Variants in FLNC observed in about 807,000 individuals in gnomAD.
FLNC encodes filamin-C.
In FLNC, 91 loss-of-function variants were observed where a neutral mutation model predicts 254.3. The observed-to-expected ratio is 0.36, with a 90% confidence interval of 0.30 to 0.43. The LOEUF (loss-of-function observed/expected upper bound fraction) is 0.43. Ranked by LOEUF, FLNC falls within the 20% of genes least tolerant of loss-of-function variation. FLNC has a pLI of 1.00. For synonymous variants in FLNC, 1,430 were observed against 1,577.2 expected (o/e 0.91, Z 2.21); for missense variants, 2,853 against 3,802.6 (o/e 0.75, Z 6.57).
Position 128,847,878 on chromosome 7 carries a change from G to T in FLNC, c.4456+14G>T. On this transcript the variant is annotated intron_variant, in intron 25 of 47. Coordinates refer to ENST00000325888, the MANE Select transcript of FLNC (RefSeq NM_001458.5). The stretch of plus-strand genomic sequence containing the variant: ...TGGGCCCCACAGGTATAGAATGGCC[G>T]GGGCAGGGAGGAGGGAGGTGGGGCG... 6.2e-7 allele frequency: 1 copy of T among 1,613,860 alleles called. No homozygotes were observed. Among genetic ancestry groups the T allele is most frequent in the East Asian group, 2.2e-5 (1 of 44,886 alleles).
chr7:128,847,890 AGGGAGGT>A (rs1808628127), intron 25 of FLNC, 26 bp downstream of exon 25: 1 of 1,601,128 alleles, frequency 6.2e-7, no homozygotes, highest in Non-Finnish European at 8.5e-7. Flanking sequence ...GGCAGGGAGG[AGGGAGGT>A]GGGGCGGGAC....
rs1808615802 is a variant in FLNC at position 128,847,645 on chromosome 7, A to G, written c.4289-52A>G. 3 of 1,609,004 alleles carry G rather than the reference A, an allele frequency of 1.9e-6. No individual in the cohort carries two copies. The African/African-American group carries it at 4.0e-5, about 22-fold the overall frequency. On this transcript the variant is annotated intron_variant, in intron 24 of 47. Transcript: ENST00000325888. ...TCCTCCTCCGAGGCTCCTCAGCATC[A>G]GGGGGACCCATCAGGGCTGGTGGGC...
chr7:128,846,556 C>G lies in FLNC; in HGVS notation c.4127+93C>G. The stretch of plus-strand genomic sequence containing the variant: ...TCCCTCTGCCTGGGCCTCAGCCCCA[C>G]CCCATCCTCTCTCAGGGGTGAGGCA... On this transcript the variant is annotated intron_variant, in intron 23 of 47. Coordinates refer to ENST00000325888, the MANE Select transcript of FLNC (RefSeq NM_001458.5). The G allele has an allele frequency of 4.6e-6, 7 of 1,509,924 alleles. No individual in the cohort carries two copies. In the Admixed American group the frequency reaches 1.2e-4, roughly 25 times the overall value. 93.5% of individuals were successfully genotyped at this position (1,509,924 alleles called of 1,614,324 possible).
In FLNC at chr7:128,847,813, T is replaced by C; in HGVS notation, c.4405T>C (p.Cys1469Arg). 1.2e-6 allele frequency: 2 copies of C among 1,613,710 alleles called. No homozygotes were observed. The highest frequency in any genetic ancestry group is 1.7e-6 in the Non-Finnish European group (2 of 1,179,754). The change falls in exon 25 of 48, where the codon TGC becomes CGC. Residue 1469 changes from cysteine (C) to arginine (R), a missense_variant. Coordinates refer to ENST00000325888, the MANE Select transcript of FLNC (RefSeq NM_001458.5). ...ARVPQTFTVDCSQAGRAPLQV... is the reference protein window; with the variant it reads ...ARVPQTFTVDRSQAGRAPLQV... ...GGTTCCTCAGACCTTCACAGTGGAT[T>C]GCAGTCAAGCTGGCCGGGCGCCCCT...
rs574084326 is a variant in FLNC, at chr7:128,845,361, G to A, written c.3790+106G>A. ...CTGAGAGCTGGAAGAGCAACCTGGG[G>A]TGAAGGGAGGGCTCTCGGAGCAGCC... On this transcript the variant is annotated intron_variant, in intron 21 of 47. Coordinates refer to ENST00000325888, the MANE Select transcript of FLNC (RefSeq NM_001458.5). 6.3e-5 allele frequency: 57 copies of A among 907,562 alleles called. 1 individual carries two copies. Among genetic ancestry groups the A allele is most frequent in the South Asian group, 9.8e-5 (7 of 71,282 alleles). The allele number at this position is 907,562 out of a possible 1,614,324, so 56.2% of individuals were successfully genotyped here.
Position 128,840,176 on chromosome 7 carries a change from C to T in FLNC, c.1549+16C>T. 2 of 1,613,298 alleles carry T rather than the reference C, an allele frequency of 1.2e-6. No homozygotes were observed. Among genetic ancestry groups the T allele is most frequent in the Non-Finnish European group, 1.7e-6 (2 of 1,179,980 alleles). ...AAGGGGCCAAGTGAGTGCCAGAGCCCAGGGTCGTGAGGGTGGGGCTGGGGG... is the reference window on the plus strand; with the variant it reads ...AAGGGGCCAAGTGAGTGCCAGAGCCTAGGGTCGTGAGGGTGGGGCTGGGGG... On this transcript the variant is annotated intron_variant, in intron 9 of 47. Transcript: ENST00000325888.
rs1286087046 is a variant in FLNC at position 128,842,575 on chromosome 7, G to A, written c.2266G>A (p.Val756Met). Residue 756 changes from valine to methionine, a missense_variant and splice_region_variant, in exon 15 of 48, where the codon GTG (valine) becomes ATG (methionine). Coordinates refer to ENST00000325888, the MANE Select transcript of FLNC (RefSeq NM_001458.5). This position sits in a 1 kb window ranked among gnomAD's most constrained non-coding sequence, Gnocchi z 5.4. ...CGCTGAGCTGCGACCCCTCCCGCAGGTGAACGTGGGCGAGGGCAGCCACCC... is the reference window on the plus strand; with the variant it reads ...CGCTGAGCTGCGACCCCTCCCGCAGATGAACGTGGGCGAGGGCAGCCACCC... ...GVNVPKSPFRVNVGEGSHPER... is the reference protein window; with the variant it reads ...GVNVPKSPFRMNVGEGSHPER... 2.6e-6 allele frequency: 4 copies of A among 1,549,258 alleles called. No individual in the cohort carries two copies. In the South Asian group the frequency reaches 4.8e-5, roughly 18 times the overall value.
At position 128,839,224 on chromosome 7, in the gene FLNC, C is replaced by T. The variant is rs115502557; in HGVS notation, c.1411+421C>T. Among the ~76,000 whole-genome samples the T allele has an allele frequency of 8.6e-3, 1,315 of 152,322 alleles. 27 individuals are homozygous for T. The highest frequency in any genetic ancestry group is 0.057 in the South Asian group (275 of 4,830). On this transcript the variant is annotated intron_variant, in intron 8 of 47. Transcript: ENST00000325888. ...CTCACCTGTGCTGTGTGGCATGGCC[C>T]GGGCCGTGTGGAATCGCCCCCCCTT...
chr7:128,838,883 G>A (rs1044214262), intron 8 of FLNC, 80 bp downstream of exon 8: 96 of 1,394,962 alleles, frequency 6.9e-5, no homozygotes, highest in South Asian at 1.3e-4. Flanking sequence ...GAGCTGGGGC[G>A]GGGGTCTGCA....
rs1342795029 is a variant in FLNC, at chr7:128,836,559, G to A, written c.602-601G>A. Among the ~76,000 whole-genome samples the A allele has an allele frequency of 3.9e-5, 6 of 152,188 alleles. No individual in the cohort carries two copies. Among genetic ancestry groups the A allele is most frequent in the South Asian group, 2.1e-4 (1 of 4,830 alleles). ...AGGAGTGATCTGGGGCTGCCTCAGC[G>A]TCCTTCCTGTTAGGAAGGCAGGGCT... On this transcript the variant is annotated intron_variant, in intron 2 of 47. Transcript: ENST00000325888. This position sits in a 1 kb window ranked among gnomAD's most constrained non-coding sequence, Gnocchi z 6.0.
At position 128,850,956 on chromosome 7, in the gene FLNC, C is replaced by T; in HGVS notation, c.5539+13C>T. 1.3e-6 allele frequency: 2 copies of T among 1,594,436 alleles called. No homozygotes were observed. Among genetic ancestry groups the T allele is most frequent in the East Asian group, 4.5e-5 (2 of 44,646 alleles). Reference sequence around the variant, plus strand: ...AACCACATCCCTGGTGAGTTAGGGGCTGGGCTGGGCTGGGGCTTGGGTGAG... The same window carrying T: ...AACCACATCCCTGGTGAGTTAGGGGTTGGGCTGGGCTGGGGCTTGGGTGAG... On this transcript the variant is annotated intron_variant, in intron 33 of 47. Coordinates refer to ENST00000325888, the MANE Select transcript of FLNC (RefSeq NM_001458.5).
chr7:128,852,715 G>A lies in FLNC; in HGVS notation c.5967G>A (p.Glu1989=), dbSNP rs2128938808. ...ASIRAPSGNE[E]PCLLKRLPNR... is the part of the protein sequence containing the mutation. ...TCCGTGCCCCCTCGGGCAACGAGGA[G>A]CCCTGCCTGCTGAAGCGCCTGCCCA... is the stretch of plus-strand genomic sequence containing the variant. Residue 1989 remains glutamate, a synonymous_variant, in exon 36 of 48, where the codon GAG becomes GAA. Coordinates refer to ENST00000325888, the MANE Select transcript of FLNC (RefSeq NM_001458.5). The A allele has an allele frequency of 6.2e-7, 1 of 1,613,224 alleles. No individual in the cohort carries two copies. The highest frequency in any genetic ancestry group is 8.5e-7 in the Non-Finnish European group (1 of 1,179,830).
In FLNC at chr7:128,842,182, C is replaced by T. The variant is rs201486506; in HGVS notation, c.2122-49C>T. On this transcript the variant is annotated intron_variant, in intron 13 of 47. Transcript: ENST00000325888. This position sits in a 1 kb window ranked among gnomAD's most constrained non-coding sequence, Gnocchi z 5.4. Reference sequence around the variant, plus strand: ...GGGTTCACCTGCGGCCAGCAGAGGGCGCTCTGCAGAGGCCACAGCTATGAA... The same window carrying T: ...GGGTTCACCTGCGGCCAGCAGAGGGTGCTCTGCAGAGGCCACAGCTATGAA... 133 of 1,601,046 alleles carry T rather than the reference C, an allele frequency of 8.3e-5. No individual in the cohort carries two copies. The highest frequency in any genetic ancestry group is 5.1e-4 in the Admixed American group (30 of 58,892).
In FLNC at chr7:128,854,102, G is replaced by T; in HGVS notation, c.6613G>T (p.Val2205Leu). 1 of 1,613,024 alleles carries T rather than the reference G, an allele frequency of 6.2e-7. No homozygotes were observed. Among genetic ancestry groups the T allele is most frequent in the Non-Finnish European group, 8.5e-7 (1 of 1,179,946 alleles). ...GCGGGGCGGGGAGACAAAGCGCGAG[G>T]TGCGGGTGGAGGAGTCCACCCAGGT... ...KTRGGETKRE[V>L]RVEESTQVGG... The change falls in exon 40 of 48, where the codon GTG becomes TTG. Residue 2205 changes from valine to leucine, a missense_variant. Val to Leu is a conservative substitution (Grantham distance 32). Around this residue, in one of 10 missense-constraint regions of FLNC, gnomAD observed 551 missense variants for 835.0 expected, o/e 0.66. Coordinates refer to ENST00000325888, the MANE Select transcript of FLNC (RefSeq NM_001458.5).
Position 128,842,211 on chromosome 7 carries a change from T to A in FLNC, c.2122-20T>A. On this transcript the variant is annotated intron_variant, in intron 13 of 47. Transcript: ENST00000325888. This position sits in a 1 kb window ranked among gnomAD's most constrained non-coding sequence, Gnocchi z 5.4. ...CTGCAGAGGCCACAGCTATGAACTT[T>A]GCTTGGGTGATGCCCACAGGACGCC... is the stretch of plus-strand genomic sequence containing the variant. 6.2e-7 allele frequency: 1 copy of A among 1,613,228 alleles called. No homozygotes were observed. Among genetic ancestry groups the A allele is most frequent in the Non-Finnish European group, 8.5e-7 (1 of 1,179,786 alleles).
chr7:128,837,442 T>C lies in FLNC; in HGVS notation c.744T>C (p.His248=), dbSNP rs2128934168. The change falls in exon 4 of 48, where the codon CAT becomes CAC. Residue 248 remains histidine, a synonymous_variant. Coordinates refer to ENST00000325888, the MANE Select transcript of FLNC (RefSeq NM_001458.5). ...EEIVDPNVDE[H]SVMTYLSQFP... ...TTGTGGACCCCAACGTGGATGAGCA[T>C]TCTGTTATGACCTACCTGTCCCAGT... is the stretch of plus-strand genomic sequence containing the variant. 6.2e-7 allele frequency: 1 copy of C among 1,614,152 alleles called. No homozygotes were observed. Among genetic ancestry groups the C allele is most frequent in the East Asian group, 2.2e-5 (1 of 44,880 alleles).
Position 128,842,313 on chromosome 7 carries a change from C to T in FLNC, c.2204C>T (p.Pro735Leu). 6.2e-7 allele frequency: 1 copy of T among 1,613,864 alleles called. No homozygotes were observed. Among genetic ancestry groups the T allele is most frequent in the South Asian group, 1.1e-5 (1 of 91,088 alleles). ...TFRCSYVPTK[P>L]IKHTIIISWG... ...CGCTGCTCCTACGTGCCCACCAAGC[C>T]CATTAAGCACACCATCATCATCTCC... The change falls in exon 14 of 48, where the codon CCC becomes CTC. Residue 735 changes from proline (P) to leucine (L), a missense_variant. Coordinates refer to ENST00000325888, the MANE Select transcript of FLNC (RefSeq NM_001458.5). The surrounding 1 kb of genome is among the most constrained non-coding windows in gnomAD (Gnocchi z 5.4).
In FLNC at chr7:128,840,656, G is replaced by A; in HGVS notation, c.1658G>A (p.Gly553Asp). ...TATGTGGTGACCATCACGTGGGGCG[G>A]CTACGCCATCCCTCGCAGGTGAGTA... ...GKYVVTITWG[G>D]YAIPRSPFEV... The change falls in exon 10 of 48, where the codon GGC becomes GAC. Residue 553 changes from glycine (G) to aspartate (D), a missense_variant. By Grantham distance (94) the Gly-to-Asp change is moderately conservative. This residue lies in a region of FLNC where 1,573 missense variants were observed against 1,883.5 expected (regional missense o/e 0.84). Coordinates refer to ENST00000325888, the MANE Select transcript of FLNC (RefSeq NM_001458.5). The A allele has an allele frequency of 6.2e-7, 1 of 1,614,142 alleles. No homozygotes were observed. Among genetic ancestry groups the A allele is most frequent in the Non-Finnish European group, 8.5e-7 (1 of 1,180,008 alleles).
At chr7:128,844,418 C>T (rs2128936291) in intron 20 of FLNC, 152 bp downstream of exon 20, 1 of 1,048,626 alleles carries the variant, frequency 9.5e-7, no homozygotes, top group Non-Finnish European at 1.4e-6. Flanking sequence ...CACCACCTGC[C>T]TTGGAGACAA....
Sources: gnomAD v4.1 joint callset for allele counts (sites outside exome capture counted in the v4.1 genomes callset) on GRCh38, gnomAD v4.1.1 for gene constraint, gnomAD v4.1.1 regional missense constraint, Gnocchi (gnomAD v3.1) non-coding constraint, MANE v1.5 for transcripts, NCBI Gene and HGNC (gene_info 2026-07-23, HGNC 2026-07-21) for gene names.